Variants in STAU2 observed in about 807,000 individuals in gnomAD.
The protein encoded by STAU2 is double-stranded RNA-binding protein Staufen homolog 2.
Under a neutral mutation model 65.9 loss-of-function variants are expected in STAU2, and 20 were observed. The observed-to-expected ratio is 0.30, with a 90% CI of 0.21 to 0.44. The LOEUF (loss-of-function observed/expected upper bound fraction) is 0.44. Ranked by LOEUF, STAU2 falls within the 20% of genes least tolerant of loss-of-function variation. STAU2 has a pLI of 1.00. For missense variants in STAU2, 558 were observed against 683.9 expected (o/e 0.82, Z 2.05); for synonymous variants, 232 against 233.9 (o/e 0.99, Z 0.07).
chr8:73,705,700 T>C (rs2130626755), intron 4 of STAU2, among the ~76,000 whole-genome samples: 1 of 152,132 alleles, frequency 6.6e-6, no homozygotes, highest in Admixed American at 6.5e-5. Flanking sequence ...AGCAGAAAAA[T>C]AAAAGAAGAC....
At chr8:73,441,181 T>G (rs1818106849) in intron 13 of STAU2, 7 of 152,330 alleles carry the variant, frequency 4.6e-5, no homozygotes, top group Admixed American at 3.9e-4. Context: ...TAAAATTTTA[T>G]TGCTGTCTAA....
intron 3 of STAU2, among the ~76,000 whole-genome samples, chr8:73,734,667 G>A (rs529977695): frequency 8.5e-4 from 129 of 152,112 alleles, no homozygotes; most frequent in African/African-American, 2.8e-3. Flanking sequence ...GGTGGCATGC[G>A]CTTGTGATCC....
At chr8:73,531,514 C>T (rs1585944690) in intron 13 of STAU2, among the ~76,000 whole-genome samples, 1 of 152,002 alleles carries the variant, frequency 6.6e-6, no homozygotes, top group African/African-American at 2.4e-5. Flanking sequence ...TGATAAAAGG[C>T]CTTAAGAAAA....
At chr8:73,733,523 C>T (rs1451290473) in intron 3 of STAU2, among the ~76,000 whole-genome samples, 3 of 151,912 alleles carry the variant, frequency 2.0e-5, no homozygotes, top group Non-Finnish European at 4.4e-5. Context: ...ATTATGGTAC[C>T]CCAGAAACCA....
At chr8:73,728,278 C>A (rs1805793896) in intron 3 of STAU2, among the ~76,000 whole-genome samples, 1 of 152,130 alleles carries the variant, frequency 6.6e-6, no homozygotes, top group South Asian at 2.1e-4. Flanking sequence ...ACTCTCAATT[C>A]TATTAGTCTA....
chr8:73,443,511 G>A (rs1400197181), intron 13 of STAU2, among the ~76,000 whole-genome samples: 1 of 152,180 alleles, frequency 6.6e-6, no homozygotes, highest in African/African-American at 2.4e-5. Flanking sequence ...TGTGGGATGA[G>A]CCCCAAGGGA....
intron 4 of STAU2, among the ~76,000 whole-genome samples, chr8:73,695,728 A>C (rs1819651900): frequency 6.6e-6 from 1 of 152,172 alleles, no homozygotes; most frequent in East Asian, 1.9e-4. Flanking sequence ...GCCCTGAAGA[A>C]TGAGCCCATG....
intron 13 of STAU2, among the ~76,000 whole-genome samples, chr8:73,445,255 GC>G (rs1393808822): frequency 2.0e-5 from 3 of 152,192 alleles, no homozygotes; most frequent in Non-Finnish European, 4.4e-5. Flanking sequence ...AGGGGTTTCT[GC>G]AGGGTTGCAC....
At chr8:73,628,414 A>T (rs1813848611) in intron 6 of STAU2, among the ~76,000 whole-genome samples, 1 of 152,186 alleles carries the variant, frequency 6.6e-6, no homozygotes, top group Admixed American at 6.5e-5. Flanking sequence ...ACTGCATGCT[A>T]GTAATCTAAT....
At chr8:73,457,825 T>A (rs1819150960) in intron 13 of STAU2, among the ~76,000 whole-genome samples, 1 of 152,294 alleles carries the variant, frequency 6.6e-6, no homozygotes, top group South Asian at 2.1e-4. Context: ...CAGAACTAAT[T>A]GCCACCCTGG....
At chr8:73,613,695 A>G in intron 9 of STAU2, 49 bp downstream of exon 9, 1 of 1,425,754 alleles carries the variant, frequency 7.0e-7, no homozygotes, top group East Asian at 2.4e-5. Flanking sequence ...TATAGCTACT[A>G]TAATATTTAT....
intron 12 of STAU2, among the ~76,000 whole-genome samples, chr8:73,564,788 G>A (rs570807217): frequency 6.6e-6 from 1 of 152,302 alleles, no homozygotes; most frequent in East Asian, 1.9e-4. Context: ...GTCTTATGTG[G>A]AGTTCTCATG....
rs554886650 is a variant in STAU2 at position 73,678,587 on chromosome 8, C to T, written c.275-5345G>A. ...GCACTTAATCTTTACCATCAAATTA[C>T]GTGTTCATATATAAGACTGTAAGAC... On this transcript the variant is annotated intron_variant, in intron 5 of 14. Transcript: ENST00000524300. Among the ~76,000 whole-genome samples the T allele has an allele frequency of 3.2e-4, 48 of 152,220 alleles. 1 individual carries two copies. The highest frequency in any genetic ancestry group is 1.1e-3 in the African/African-American group (45 of 41,548).
chr8:73,573,632 G>A (rs540848039), intron 12 of STAU2, among the ~76,000 whole-genome samples: 1 of 152,284 alleles, frequency 6.6e-6, no homozygotes, highest in East Asian at 1.9e-4. Flanking sequence ...TGACAAACCT[G>A]CCAAAAACAG....
intron 12 of STAU2, among the ~76,000 whole-genome samples, chr8:73,562,426 C>T (rs573594698): frequency 6.6e-6 from 1 of 152,278 alleles, no homozygotes; most frequent in East Asian, 1.9e-4. Flanking sequence ...TTCAAGGCTG[C>T]AGTGAGCTAT....
At chr8:73,700,808 T>C (rs957328662) in intron 4 of STAU2, among the ~76,000 whole-genome samples, 9 of 152,112 alleles carry the variant, frequency 5.9e-5, no homozygotes, top group Non-Finnish European at 1.2e-4. Flanking sequence ...AGAACCAGAA[T>C]AGCCAAAGCT....
chr8:73,711,505 T>C (rs1373325741), intron 3 of STAU2, among the ~76,000 whole-genome samples: 1 of 152,162 alleles, frequency 6.6e-6, no homozygotes, highest in Non-Finnish European at 1.5e-5. Flanking sequence ...CTGTGTAATT[T>C]TCATAATTCA....
intron 13 of STAU2, among the ~76,000 whole-genome samples, chr8:73,428,334 T>A (rs1033843407): frequency 1.3e-5 from 2 of 152,264 alleles, no homozygotes; most frequent in South Asian, 2.1e-4. Context: ...TTCCATTGTG[T>A]CTATATACCA....
At chr8:73,711,844 A>G (rs1820923953) in intron 3 of STAU2, among the ~76,000 whole-genome samples, 1 of 152,174 alleles carries the variant, frequency 6.6e-6, no homozygotes, top group African/African-American at 2.4e-5. Context: ...CCACTTTGAT[A>G]AAGCTTCAAA....
Sources: gnomAD v4.1 joint callset for allele counts (sites outside exome capture counted in the v4.1 genomes callset) on GRCh38, gnomAD v4.1.1 for gene constraint, MANE v1.5 for transcripts, NCBI Gene and HGNC (gene_info 2026-07-23, HGNC 2026-07-21) for gene names.